The following IL1RAPL1 variants were observed in gnomAD, a reference collection of about 807,000 sequenced individuals.
IL1RAPL1 encodes the protein interleukin-1 receptor accessory protein-like 1.
IL1RAPL1 carries 3 observed loss-of-function variants against 48.4 expected under a neutral mutation model. That is an observed-to-expected ratio of 0.06 (90% CI 0.03 to 0.16). IL1RAPL1 has a LOEUF of 0.16. Among genes scored for constraint, IL1RAPL1 ranks in the 10% least tolerant of loss-of-function variants. The pLI, the probability that IL1RAPL1 is intolerant of heterozygous loss-of-function variation, is 1.00. For missense variants in IL1RAPL1, 349 were observed against 530.6 expected (o/e 0.66, Z 3.36); for synonymous variants, 185 against 187.7 (o/e 0.99, Z 0.12).
At chrX:28,914,466 C>A (rs1923437342) in intron 2 of IL1RAPL1, among the ~76,000 whole-genome samples, 1 of 111,947 alleles carries the variant, frequency 8.9e-6, no homozygotes, top group Non-Finnish European at 1.9e-5. Flanking sequence ...AATTATTCCA[C>A]CAACTCTGTA....
intron 9 of IL1RAPL1, among the ~76,000 whole-genome samples, chrX:29,954,100 G>A (rs1933367043): frequency 9.2e-6 from 1 of 108,609 alleles, no homozygotes; most frequent in Non-Finnish European, 1.9e-5. Flanking sequence ...GCTGGGTGTG[G>A]TGACGTGCAC....
chrX:29,588,223 T>C (rs1052361156), intron 5 of IL1RAPL1, among the ~76,000 whole-genome samples: 7 of 112,471 alleles, frequency 6.2e-5, no homozygotes, highest in African/African-American at 1.9e-4. Flanking sequence ...GCACCTACTA[T>C]GTGTCAGGCA....
chrX:29,557,333 T>C (rs980930036), intron 5 of IL1RAPL1, among the ~76,000 whole-genome samples: 3 of 111,846 alleles, frequency 2.7e-5, no homozygotes, highest in African/African-American at 9.7e-5. Context: ...ATACTCCATC[T>C]TTATTCTTAG....
intron 1 of IL1RAPL1, among the ~76,000 whole-genome samples, chrX:28,722,633 A>G (rs2146940959): frequency 9.0e-6 from 1 of 111,643 alleles, no homozygotes; most frequent in Admixed American, 9.6e-5. Context: ...ACTATGTTGA[A>G]TAGGAGTGGT....
chrX:29,477,730 A>G (rs982925588), intron 5 of IL1RAPL1, among the ~76,000 whole-genome samples: 1 of 112,290 alleles, frequency 8.9e-6, no homozygotes, highest in Non-Finnish European at 1.9e-5. Flanking sequence ...GTCCAGGGTC[A>G]ATAAGCTGGT....
intron 5 of IL1RAPL1, among the ~76,000 whole-genome samples, chrX:29,435,754 A>G (rs1303108050): frequency 1.8e-5 from 2 of 111,181 alleles, no homozygotes; most frequent in Non-Finnish European, 3.8e-5. Flanking sequence ...GACTGTATGT[A>G]TTAAACTTTA....
At chrX:29,547,667 A>C (rs952296873) in intron 5 of IL1RAPL1, among the ~76,000 whole-genome samples, 2 of 111,869 alleles carry the variant, frequency 1.8e-5, no homozygotes, top group African/African-American at 6.5e-5. Context: ...TGTCATTGGA[A>C]AGAAAAGGGT....
At chrX:29,018,487 TGAGTAATC>T (rs1196668758) in intron 2 of IL1RAPL1, among the ~76,000 whole-genome samples, 1 of 111,579 alleles carries the variant, frequency 9.0e-6, no homozygotes, top group Non-Finnish European at 1.9e-5. Context: ...AGAAAGAACT[TGAGTAATC>T]AAGGATTGGG....
chrX:29,444,664 T>C (rs768785954), intron 5 of IL1RAPL1, among the ~76,000 whole-genome samples: 1 of 112,096 alleles, frequency 8.9e-6, no homozygotes, highest in South Asian at 3.7e-4. Flanking sequence ...ATGTGGCTGA[T>C]ACAATGAGAT....
chrX:28,702,919 T>C (rs1160587913), intron 1 of IL1RAPL1, among the ~76,000 whole-genome samples: 1 of 110,850 alleles, frequency 9.0e-6, no homozygotes, highest in African/African-American at 3.3e-5. Context: ...TTCTACCTAA[T>C]GGTGGAGGCT....
At position 28,702,889 on chromosome X, in the gene IL1RAPL1, T is replaced by C. The variant is rs766343590; in HGVS notation, c.-24-86431T>C. 2.7e-5 allele frequency among the ~76,000 whole-genome samples: 3 copies of C among 110,400 alleles called. No individual in the cohort carries two copies. The South Asian group carries it at 1.1e-3, about 42-fold the overall frequency. On this transcript the variant is annotated intron_variant, in intron 1 of 10. Transcript: ENST00000378993. Reference sequence around the variant, plus strand: ...AGACTGTAGCTTCAAACATTCAAAATGGAATTGAGACCTAAACTATTCTAC... The same window carrying C: ...AGACTGTAGCTTCAAACATTCAAAACGGAATTGAGACCTAAACTATTCTAC...
At chrX:29,121,173 G>A (rs1295168347) in intron 2 of IL1RAPL1, among the ~76,000 whole-genome samples, 2 of 111,569 alleles carry the variant, frequency 1.8e-5, no homozygotes, top group African/African-American at 6.5e-5. Context: ...GCTAAGATCA[G>A]GAACAAGACA....
chrX:29,953,917 A>G (rs1198280148), intron 9 of IL1RAPL1, among the ~76,000 whole-genome samples: 2 of 110,944 alleles, frequency 1.8e-5, no homozygotes, highest in Non-Finnish European at 3.8e-5. Context: ...AGCAGTCAAG[A>G]TTCTCTGTGA....
intron 5 of IL1RAPL1, among the ~76,000 whole-genome samples, chrX:29,403,338 T>TG (rs1236087443): frequency 9.1e-6 from 1 of 110,266 alleles, no homozygotes; most frequent in Non-Finnish European, 1.9e-5. Context: ...GACATACTTA[T>TG]ATTGGGGTGT....
intron 3 of IL1RAPL1, among the ~76,000 whole-genome samples, chrX:29,300,269 TGTAATAGTCTCTTGGTG>T (rs1932512281): frequency 8.9e-6 from 1 of 111,842 alleles, no homozygotes; most frequent in African/African-American, 3.3e-5. Context: ...ATAATCTTGT[TGTAATAGTCTCTTGGTG>T]GTGGACATCC....
intron 6 of IL1RAPL1, among the ~76,000 whole-genome samples, chrX:29,818,677 G>A (rs767741326): frequency 6.6e-4 from 74 of 112,117 alleles, no homozygotes; most frequent in Non-Finnish European, 1.2e-3. Flanking sequence ...TGCCATTTGA[G>A]TCTTGGACTA....
intron 2 of IL1RAPL1, among the ~76,000 whole-genome samples, chrX:29,265,884 A>G (rs1227217750): frequency 9.1e-6 from 1 of 110,147 alleles, no homozygotes; most frequent in African/African-American, 3.3e-5. Context: ...ATCACTGGCC[A>G]TCAGAGAAAT....
chrX:29,894,647 C>T (rs1319883863), intron 6 of IL1RAPL1, among the ~76,000 whole-genome samples: 1 of 111,686 alleles, frequency 9.0e-6, no homozygotes. Context: ...CACCTTTTTA[C>T]GAGATTATAA....
chrX:29,277,526 A>G (rs1455098042), intron 2 of IL1RAPL1, among the ~76,000 whole-genome samples: 2 of 111,941 alleles, frequency 1.8e-5, no homozygotes, highest in Middle Eastern at 4.6e-3. Flanking sequence ...CCTTATGAAG[A>G]CTTTTTCTCA....
Sources: allele counts gnomAD v4.1 joint callset (sites outside exome capture counted in the v4.1 genomes callset), GRCh38; gene constraint gnomAD v4.1.1; transcripts MANE v1.5; gene names NCBI Gene and HGNC (gene_info 2026-07-23, HGNC 2026-07-21).